The following FBXL7 variants were observed in gnomAD, a reference collection of about 807,000 sequenced individuals.
FBXL7 encodes the protein F-box/LRR-repeat protein 7.
FBXL7 carries 12 observed loss-of-function variants against 38.3 expected under a neutral mutation model. The observed-to-expected ratio is 0.31, with a 90% CI of 0.20 to 0.51. The LOEUF (loss-of-function observed/expected upper bound fraction) is 0.51, where lower values mean the gene tolerates loss of function less well. Among genes scored for constraint, FBXL7 ranks in the 20% least tolerant of loss-of-function variants. The pLI, the probability that FBXL7 is intolerant of heterozygous loss-of-function variation, is 0.98. For synonymous variants in FBXL7, 297 were observed against 300.9 expected (o/e 0.99, Z 0.13); for missense variants, 567 against 676.4 (o/e 0.84, Z 1.79).
rs564453684 is a variant in FBXL7, at chr5:15,658,316, G to C, written c.127+42244G>C. Among the ~76,000 whole-genome samples, 148 of 152,234 alleles carry C rather than the reference G, an allele frequency of 9.7e-4. 2 individuals are homozygous for C. The South Asian group carries it at 0.03, about 31-fold the overall frequency. On this transcript the variant is annotated intron_variant, in intron 2 of 3. Transcript: ENST00000504595. Reference sequence around the variant, plus strand: ...AGTTGTGTTTGAAACTAAGAATTTTGACTGAATGATATGGTTTGGCTGTGT... The same window carrying C: ...AGTTGTGTTTGAAACTAAGAATTTTCACTGAATGATATGGTTTGGCTGTGT...
intron 1 of FBXL7, among the ~76,000 whole-genome samples, chr5:15,575,804 T>G (rs1016590036): frequency 1.3e-5 from 2 of 152,356 alleles, no homozygotes; most frequent in Non-Finnish European, 2.9e-5. Context: ...CTGTAGCTAC[T>G]TATTCCTTTT....
At position 15,500,726 on chromosome 5, in the gene FBXL7, C is replaced by G. The variant is rs757892877; in HGVS notation, c.37+13C>G. 1 of 1,604,136 alleles carries G rather than the reference C, an allele frequency of 6.2e-7. No individual in the cohort carries two copies. Among genetic ancestry groups the G allele is most frequent in the Non-Finnish European group, 8.5e-7 (1 of 1,174,906 alleles). On this transcript the variant is annotated intron_variant, in intron 1 of 3. Transcript: ENST00000504595. ...TACGGCAGTGAGGGTGAGTGGGCCG[C>G]CCGTCCTCAGACTCCCGGATCGCGT...
chr5:15,686,764 G>C (rs1016724749), intron 2 of FBXL7, among the ~76,000 whole-genome samples: 8 of 152,172 alleles, frequency 5.3e-5, no homozygotes, highest in Non-Finnish European at 1.2e-4. Context: ...GTGCAGTGAT[G>C]CTTGAAAATA....
chr5:15,820,335 G>C (rs1238789989), intron 2 of FBXL7, among the ~76,000 whole-genome samples: 1 of 151,926 alleles, frequency 6.6e-6, no homozygotes, highest in African/African-American at 2.4e-5. Context: ...TTTTTCCCTG[G>C]AGGGTCCTCC....
At chr5:15,853,251 C>T (rs753627352) in intron 2 of FBXL7, among the ~76,000 whole-genome samples, 9 of 152,060 alleles carry the variant, frequency 5.9e-5, no homozygotes, top group Non-Finnish European at 1.2e-4. Context: ...AAGAGCCAGC[C>T]GGCACACCCC....
At chr5:15,568,689 C>G (rs1384252273) in intron 1 of FBXL7, among the ~76,000 whole-genome samples, 10 of 151,908 alleles carry the variant, frequency 6.6e-5, no homozygotes, top group Admixed American at 6.6e-4. Context: ...AATGGTATTG[C>G]CTAGGTTTTC....
chr5:15,672,526 A>G (rs1410935509), intron 2 of FBXL7, among the ~76,000 whole-genome samples: 3 of 150,550 alleles, frequency 2.0e-5, no homozygotes, highest in African/African-American at 7.3e-5. Flanking sequence ...ATCTGAAGTT[A>G]TACATTCAAA....
intron 2 of FBXL7, among the ~76,000 whole-genome samples, chr5:15,679,131 C>A (rs753785153): frequency 1.3e-5 from 2 of 152,190 alleles, no homozygotes; most frequent in Non-Finnish European, 2.9e-5. Context: ...AGCATCCTGA[C>A]TCTAGTTTTT....
At chr5:15,728,023 G>C (rs1304526480) in intron 2 of FBXL7, among the ~76,000 whole-genome samples, 1 of 152,038 alleles carries the variant, frequency 6.6e-6, no homozygotes, top group Non-Finnish European at 1.5e-5. Flanking sequence ...TTCATTTAGT[G>C]AATCTTTCAT....
At chr5:15,662,691 G>A (rs950469101) in intron 2 of FBXL7, among the ~76,000 whole-genome samples, 2 of 152,138 alleles carry the variant, frequency 1.3e-5, no homozygotes, top group African/African-American at 4.8e-5. Flanking sequence ...GTGTCCAGGA[G>A]GAGACCAGCT....
At chr5:15,531,269 A>C (rs1298323687) in intron 1 of FBXL7, among the ~76,000 whole-genome samples, 2 of 152,246 alleles carry the variant, frequency 1.3e-5, no homozygotes, top group Non-Finnish European at 2.9e-5. Context: ...TCTATTTGTA[A>C]AAACAAACAT....
chr5:15,811,972 C>A (rs1021287410), intron 2 of FBXL7, among the ~76,000 whole-genome samples: 1 of 152,124 alleles, frequency 6.6e-6, no homozygotes, highest in Non-Finnish European at 1.5e-5. Flanking sequence ...TTTGACCCAG[C>A]AATCCCATTA....
intron 2 of FBXL7, among the ~76,000 whole-genome samples, chr5:15,919,505 C>G (rs1741685631): frequency 6.6e-6 from 1 of 152,092 alleles, no homozygotes; most frequent in Admixed American, 6.5e-5. Context: ...GAATAAAAAA[C>G]ATACTGTTCC....
intron 2 of FBXL7, among the ~76,000 whole-genome samples, chr5:15,650,930 T>G (rs2126569750): frequency 6.6e-6 from 1 of 152,280 alleles, no homozygotes; most frequent in African/African-American, 2.4e-5. Context: ...TGGAATCAAC[T>G]TCTTCCAAAC....
At chr5:15,727,219 G>GA (rs201912338) in intron 2 of FBXL7, among the ~76,000 whole-genome samples, 16 of 149,880 alleles carry the variant, frequency 1.1e-4, no homozygotes, top group East Asian at 3.9e-4. Flanking sequence ...CTTAAATTAA[G>GA]AAAAAAAAAT....
intron 2 of FBXL7, among the ~76,000 whole-genome samples, chr5:15,759,838 T>C (rs1736393657): frequency 2.6e-5 from 4 of 152,208 alleles, no homozygotes; most frequent in African/African-American, 7.2e-5. Context: ...TGTCTGGTCA[T>C]AGGATCTGAA....
At chr5:15,692,574 C>A (rs1579382363) in intron 2 of FBXL7, among the ~76,000 whole-genome samples, 1 of 152,124 alleles carries the variant, frequency 6.6e-6, no homozygotes, top group East Asian at 1.9e-4. Context: ...TTTCCTATCC[C>A]CTTTATTCTG....
chr5:15,709,320 G>A (rs1014810838), intron 2 of FBXL7, among the ~76,000 whole-genome samples: 6 of 152,058 alleles, frequency 3.9e-5, no homozygotes, highest in African/African-American at 1.4e-4. Flanking sequence ...GGTCACCTGA[G>A]GTCAGGAGTT....
At chr5:15,620,598 G>A (rs181637207) in intron 2 of FBXL7, among the ~76,000 whole-genome samples, 69 of 152,068 alleles carry the variant, frequency 4.5e-4, no homozygotes, top group African/African-American at 1.6e-3. Context: ...GGAGAGATCG[G>A]GCCAGCAGAC....
Sources: gnomAD v4.1 joint callset for allele counts (sites outside exome capture counted in the v4.1 genomes callset) on GRCh38, gnomAD v4.1.1 for gene constraint, MANE v1.5 for transcripts, NCBI Gene and HGNC (gene_info 2026-07-23, HGNC 2026-07-21) for gene names.